The following ERBB4 variants were observed in gnomAD, a reference collection of about 807,000 sequenced individuals.
ERBB4 encodes receptor tyrosine-protein kinase erbB-4.
A neutral mutation model predicts 158.0 loss-of-function variants in ERBB4; 42 were observed. That is an observed-to-expected ratio of 0.27 (90% CI 0.21 to 0.34). The LOEUF is 0.34. Ranked by LOEUF, ERBB4 falls within the 10% of genes least tolerant of loss-of-function variation. The pLI is 1.00. For synonymous variants in ERBB4, 583 were observed against 558.7 expected, an observed-to-expected ratio of 1.04 and a Z score of -0.61; for missense variants, 1,333 against 1,624.1, an observed-to-expected ratio of 0.82 and a Z score of 3.08.
intron 5 of ERBB4, among the ~76,000 whole-genome samples, chr2:211,739,093 G>T (rs904079720): frequency 6.6e-6 from 1 of 151,834 alleles, no homozygotes; most frequent in African/African-American, 2.4e-5. Flanking sequence ...TCATCAATCT[G>T]TATAGGTCTA....
chr2:212,402,897 A>G lies in ERBB4; in HGVS notation c.82+135552T>C, dbSNP rs2091249373. Among the ~76,000 whole-genome samples, 5 of 152,222 alleles carry G rather than the reference A, an allele frequency of 3.3e-5. No homozygotes were observed. The South Asian group carries it at 1.0e-3, about 32-fold the overall frequency. ...TTTTCTTCATGATATATTTTGTTTCATTCAACTTTTACGTGATACCAGCAT... is the reference window on the plus strand; with the variant it reads ...TTTTCTTCATGATATATTTTGTTTCGTTCAACTTTTACGTGATACCAGCAT... On this transcript the variant is annotated intron_variant, in intron 1 of 27. Transcript: ENST00000342788.
At chr2:211,416,446 A>ATAGAC (rs1217296567) in intron 25 of ERBB4, among the ~76,000 whole-genome samples, 3 of 152,208 alleles carry the variant, frequency 2.0e-5, no homozygotes, top group Non-Finnish European at 2.9e-5. Context: ...ACTAAATCCA[A>ATAGAC]TAGACTGAAT....
At chr2:211,786,939 C>T (rs1475872457) in intron 4 of ERBB4, among the ~76,000 whole-genome samples, 1 of 152,152 alleles carries the variant, frequency 6.6e-6, no homozygotes, top group Non-Finnish European at 1.5e-5. Context: ...AAATCCCATA[C>T]AAATTTCTGT....
At chr2:212,026,642 CA>C (rs2076778608) in intron 2 of ERBB4, among the ~76,000 whole-genome samples, 1 of 151,796 alleles carries the variant, frequency 6.6e-6, no homozygotes, top group Non-Finnish European at 1.5e-5. Flanking sequence ...CACAATCTTT[CA>C]AAATGGAATA....
chr2:212,003,144 G>A (rs765670006), intron 2 of ERBB4, among the ~76,000 whole-genome samples: 382 of 12,444 alleles, frequency 0.031, 4 homozygotes, highest in South Asian at 0.052. Context: ...AAGGAAGGAA[G>A]GAAGGAAAGA....
intron 2 of ERBB4, among the ~76,000 whole-genome samples, chr2:212,080,698 CTT>C (rs2078417643): frequency 6.9e-6 from 1 of 145,152 alleles, no homozygotes; most frequent in Non-Finnish European, 1.5e-5. Context: ...AAAAAAACCT[CTT>C]TATATTCAAA....
At chr2:212,102,536 C>T (rs1259051016) in intron 2 of ERBB4, among the ~76,000 whole-genome samples, 1 of 151,950 alleles carries the variant, frequency 6.6e-6, no homozygotes, top group Non-Finnish European at 1.5e-5. Context: ...TTCTTTTATG[C>T]TTATAGATAT....
chr2:212,357,425 G>A (rs921857100), intron 1 of ERBB4, among the ~76,000 whole-genome samples: 5 of 151,564 alleles, frequency 3.3e-5, no homozygotes, highest in African/African-American at 7.3e-5. Context: ...AAGTATAAGC[G>A]GTGTACAAAG....
intron 3 of ERBB4, among the ~76,000 whole-genome samples, chr2:211,915,087 T>A (rs989245640): frequency 6.6e-6 from 1 of 152,132 alleles, no homozygotes; most frequent in African/African-American, 2.4e-5. Context: ...GCGCCCTCTT[T>A]TATTAAGATG....
At chr2:211,802,734 T>C (rs1476886298) in intron 3 of ERBB4, among the ~76,000 whole-genome samples, 1 of 152,252 alleles carries the variant, frequency 6.6e-6, no homozygotes, top group African/African-American at 2.4e-5. Flanking sequence ...GATATGCACC[T>C]AGCTATTTCC....
At chr2:211,657,208 T>C (rs1262034211) in intron 16 of ERBB4, among the ~76,000 whole-genome samples, 1 of 150,204 alleles carries the variant, frequency 6.7e-6, no homozygotes, top group South Asian at 2.1e-4. Flanking sequence ...CTGTTTAGAC[T>C]ACACAAATTA....
chr2:211,942,756 A>C (rs914817160), intron 3 of ERBB4, among the ~76,000 whole-genome samples: 1 of 152,184 alleles, frequency 6.6e-6, no homozygotes, highest in Admixed American at 6.5e-5. Context: ...GAAAATATAT[A>C]GCGTATTCAG....
At chr2:212,081,453 T>C (rs576871306) in intron 2 of ERBB4, among the ~76,000 whole-genome samples, 5 of 152,276 alleles carry the variant, frequency 3.3e-5, no homozygotes, top group African/African-American at 1.2e-4. Context: ...GTACTAATCA[T>C]GTAATGCCAT....
intron 3 of ERBB4, among the ~76,000 whole-genome samples, chr2:211,881,479 G>A (rs2078660183): frequency 6.6e-6 from 1 of 151,910 alleles, no homozygotes; most frequent in Non-Finnish European, 1.5e-5. Flanking sequence ...GGCCAGGTAT[G>A]TCTGCCATGG....
rs527993556 is a variant in ERBB4, at chr2:211,539,520, A to C, written c.2487+22383T>G. On this transcript the variant is annotated intron_variant, in intron 20 of 27. Coordinates refer to ENST00000342788, the MANE Select transcript of ERBB4 (RefSeq NM_005235.3). ...TTTGTTAACTAGTGACTCATATATA[A>C]TTTGTCCTCCTATTCTGCATTTTTA... 3.5e-3 allele frequency among the ~76,000 whole-genome samples: 538 copies of C among 152,114 alleles called. 9 individuals carry two copies. In the Middle Eastern group the frequency reaches 0.075, roughly 21 times the overall value.
intron 1 of ERBB4, among the ~76,000 whole-genome samples, chr2:212,143,169 C>A (rs1232955099): frequency 6.6e-6 from 1 of 152,010 alleles, no homozygotes; most frequent in Non-Finnish European, 1.5e-5. Flanking sequence ...TGCAAACAAT[C>A]TTTTTGTAAT....
At chr2:211,530,563 A>G (rs1428843349) in intron 20 of ERBB4, among the ~76,000 whole-genome samples, 1 of 152,144 alleles carries the variant, frequency 6.6e-6, no homozygotes, top group Non-Finnish European at 1.5e-5. Context: ...CAAAAACAAC[A>G]AAACTGAAGG....
chr2:211,685,760 G>C, intron 12 of ERBB4, among the ~76,000 whole-genome samples: 1 of 152,072 alleles, frequency 6.6e-6, no homozygotes, highest in South Asian at 2.1e-4. Flanking sequence ...GAACACAGTA[G>C]GCTTTTGCAT....
At chr2:212,395,691 C>G (rs1042310187) in intron 1 of ERBB4, among the ~76,000 whole-genome samples, 1 of 148,172 alleles carries the variant, frequency 6.7e-6, no homozygotes, top group African/African-American at 2.5e-5. Context: ...ACAATCTCAC[C>G]TCACTGCAAC....
Sources: gnomAD v4.1 joint callset for allele counts (sites outside exome capture counted in the v4.1 genomes callset) on GRCh38, gnomAD v4.1.1 for gene constraint, MANE v1.5 for transcripts, NCBI Gene and HGNC (gene_info 2026-07-23, HGNC 2026-07-21) for gene names.